FBLN1: variants seen among roughly 807,000 people sequenced by gnomAD.
FBLN1 encodes fibulin-1.
A neutral mutation model predicts 89.7 loss-of-function variants in FBLN1; 34 were observed. That is an observed-to-expected ratio of 0.38 (90% confidence interval 0.29 to 0.50). FBLN1 has a LOEUF of 0.50. Among genes scored for constraint, FBLN1 ranks in the 20% least tolerant of loss-of-function variants. The pLI, the probability that FBLN1 is intolerant of heterozygous loss-of-function variation, is 0.92. For synonymous variants in FBLN1, 393 were observed against 391.3 expected, an observed-to-expected ratio of 1.00 and a Z score of -0.05; for missense variants, 777 against 988.1, an observed-to-expected ratio of 0.79 and a Z score of 2.86.
At chr22:45,543,124 G>A (rs781652870) in intron 10 of FBLN1, among the ~76,000 whole-genome samples, 2 of 152,180 alleles carry the variant, frequency 1.3e-5, no homozygotes, top group East Asian at 1.9e-4. Context: ...AAAATTAGCC[G>A]GGCGTGGTGG....
chr22:45,539,053 A>C (rs2088519176), intron 8 of FBLN1, among the ~76,000 whole-genome samples: 2 of 146,954 alleles, frequency 1.4e-5, no homozygotes, highest in African/African-American at 2.5e-5. Flanking sequence ...CTGCTGCTGT[A>C]TTCCTTTCTC....
At position 45,557,898 on chromosome 22, in the gene FBLN1, A is replaced by G. The variant is rs2088808875; in HGVS notation, c.1697+7283A>G. Among the ~76,000 whole-genome samples the G allele has an allele frequency of 6.6e-6, 1 of 152,226 alleles. No homozygotes were observed. The highest frequency in any genetic ancestry group is 2.4e-5 in the African/African-American group (1 of 41,456). ...TTTCTCCTTCCATGCAAAGTGCACA[A>G]CCAGGTGCATTGCTTGAAGTTCTGC... On this transcript the variant is annotated intron_variant, in intron 14 of 16. Transcript: ENST00000327858. This position sits in a 1 kb window ranked among gnomAD's most constrained non-coding sequence, Gnocchi z 4.9.
rs2088797357 is a variant in FBLN1 at position 45,557,045 on chromosome 22, T to C, written c.1697+6430T>C. Among the ~76,000 whole-genome samples, 1 of 152,328 alleles carries C rather than the reference T, an allele frequency of 6.6e-6. No homozygotes were observed. Among genetic ancestry groups the C allele is most frequent in the African/African-American group, 2.4e-5 (1 of 41,582 alleles). On this transcript the variant is annotated intron_variant, in intron 14 of 16. Transcript: ENST00000327858. The surrounding 1 kb of genome is among the most constrained non-coding windows in gnomAD (Gnocchi z 4.9). ...CCCAGCCCTGCAAAGTACTGTCACC[T>C]AGTTGGCATTGTAATTGTGACTTCA...
chr22:45,555,840 A>G (rs1425532371), intron 14 of FBLN1, among the ~76,000 whole-genome samples: 1 of 152,186 alleles, frequency 6.6e-6, no homozygotes, highest in East Asian at 1.9e-4. Flanking sequence ...AAACTCACCA[A>G]TCCCCAACCC....
chr22:45,573,542 A>G (rs900183292), intron 14 of FBLN1, among the ~76,000 whole-genome samples: 34 of 151,608 alleles, frequency 2.2e-4, no homozygotes, highest in African/African-American at 8.2e-4. Context: ...TTAGCCGGGC[A>G]TGGTGGCATG....
chr22:45,592,690 A>G (rs2089149192), intron 16 of FBLN1, among the ~76,000 whole-genome samples: 1 of 152,120 alleles, frequency 6.6e-6, no homozygotes, highest in Non-Finnish European at 1.5e-5. Flanking sequence ...GCCTGCAGGA[A>G]CTGTGGAGCC....
Position 45,577,698 on chromosome 22 carries a change from C to T in FBLN1, c.1972+590C>T, listed in dbSNP as rs965861980. Among the ~76,000 whole-genome samples, 1 of 152,200 alleles carries T rather than the reference C, an allele frequency of 6.6e-6. No homozygotes were observed. The highest frequency in any genetic ancestry group is 2.4e-5 in the African/African-American group (1 of 41,448). Reference sequence around the variant, plus strand: ...AATGGGGAGCTCACTGCTCTTTCTCCCTGGAGATCCGGTGTTTGGGGAGCG... The same window carrying T: ...AATGGGGAGCTCACTGCTCTTTCTCTCTGGAGATCCGGTGTTTGGGGAGCG... On this transcript the variant is annotated intron_variant, in intron 16 of 16. Transcript: ENST00000327858. This position sits in a 1 kb window ranked among gnomAD's most constrained non-coding sequence, Gnocchi z 6.6.
intron 1 of FBLN1, among the ~76,000 whole-genome samples, chr22:45,512,815 T>G (rs1358920695): frequency 6.6e-6 from 1 of 152,122 alleles, no homozygotes; most frequent in Non-Finnish European, 1.5e-5. Flanking sequence ...TGGAGTGTAG[T>G]GGTGCAGTCG....
chr22:45,554,316 CCCCTGGGG>C (rs1459670319), intron 14 of FBLN1, among the ~76,000 whole-genome samples: 11 of 152,220 alleles, frequency 7.2e-5, no homozygotes, highest in Non-Finnish European at 1.6e-4. Flanking sequence ...CTCAGAGGCC[CCCCTGGGG>C]GAGAGCTCTC....
Position 45,509,368 on chromosome 22 carries a change from C to T in FBLN1, c.79+6304C>T, listed in dbSNP as rs185925171. Reference sequence around the variant, plus strand: ...TCTGCTCCTTCTCTCTTGCTGCCTCCTCCCGGCTGGTTCACCATCCAAGAC... The same window carrying T: ...TCTGCTCCTTCTCTCTTGCTGCCTCTTCCCGGCTGGTTCACCATCCAAGAC... On this transcript the variant is annotated intron_variant, in intron 1 of 16. Coordinates refer to ENST00000327858, the MANE Select transcript of FBLN1 (RefSeq NM_006486.3). Among the ~76,000 whole-genome samples the T allele has an allele frequency of 2.2e-3, 331 of 152,306 alleles. 3 individuals carry two copies. The highest frequency in any genetic ancestry group is 6.5e-4 in the Non-Finnish European group (44 of 68,032).
In FBLN1 at chr22:45,502,933, G is replaced by T. The variant is rs2146929713; in HGVS notation, c.-53G>T. ...CGTGGAGCCCGCGCCGCTGCCCCAG[G>T]ACCGCGCCCGCGCCTTTGTCCGCCG... On this transcript the variant is annotated 5_prime_UTR_variant, in exon 1 of 17. Coordinates refer to ENST00000327858, the MANE Select transcript of FBLN1 (RefSeq NM_006486.3). 10 of 837,472 alleles carry T rather than the reference G, an allele frequency of 1.2e-5. No individual in the cohort carries two copies. In the South Asian group the frequency reaches 4.8e-4, roughly 40 times the overall value. The allele number at this position is 837,472 out of a possible 1,614,324, so 51.9% of individuals were successfully genotyped here.
At position 45,572,592 on chromosome 22, in the gene FBLN1, C is replaced by T. The variant is rs1344362949; in HGVS notation, c.1698-1919C>T. Among the ~76,000 whole-genome samples, 1 of 152,176 alleles carries T rather than the reference C, an allele frequency of 6.6e-6. No homozygotes were observed. The highest frequency in any genetic ancestry group is 1.5e-5 in the Non-Finnish European group (1 of 68,030). On this transcript the variant is annotated intron_variant, in intron 14 of 16. Coordinates refer to ENST00000327858, the MANE Select transcript of FBLN1 (RefSeq NM_006486.3). This position sits in a 1 kb window ranked among gnomAD's most constrained non-coding sequence, Gnocchi z 5.8. Reference sequence around the variant, plus strand: ...GAAGCATCTGTTTACAGGAGTAGTCCAGCTAATAAATGGAAGTGAAGTGGT... The same window carrying T: ...GAAGCATCTGTTTACAGGAGTAGTCTAGCTAATAAATGGAAGTGAAGTGGT...
At chr22:45,569,117 G>T (rs61610965) in intron 14 of FBLN1, among the ~76,000 whole-genome samples, 2 of 152,236 alleles carry the variant, frequency 1.3e-5, no homozygotes, top group African/African-American at 4.8e-5. Context: ...CTGAGGTACT[G>T]GGGATGGAAC....
At chr22:45,509,556 C>T (rs2088070475) in intron 1 of FBLN1, among the ~76,000 whole-genome samples, 2 of 152,212 alleles carry the variant, frequency 1.3e-5, no homozygotes, top group Admixed American at 1.3e-4. Flanking sequence ...AGTCTGTCCT[C>T]ATCCTGGAAC....
At chr22:45,543,601 G>A in intron 11 of FBLN1, 75 bp downstream of exon 11, 1 of 1,551,006 alleles carries the variant, frequency 6.4e-7, no homozygotes, top group Non-Finnish European at 8.8e-7. Context: ...CTGCAGACCG[G>A]TTTGCAGCAG....
chr22:45,543,346 G>A (rs1165457655), intron 10 of FBLN1, 55 bp from the exon 11 acceptor site: 2 of 1,603,964 alleles, frequency 1.2e-6, no homozygotes, highest in Non-Finnish European at 1.7e-6. Flanking sequence ...GGAGGGTGGA[G>A]TGTGGTGCCA....
Position 45,550,767 on chromosome 22 carries a change from G to A in FBLN1, c.1697+152G>A. The A allele has an allele frequency of 1.8e-6, 2 of 1,095,216 alleles. No homozygotes were observed. Among genetic ancestry groups the A allele is most frequent in the Non-Finnish European group, 1.4e-6 (1 of 726,282 alleles). 67.8% of individuals were successfully genotyped at this position (1,095,216 alleles called of 1,614,324 possible). On this transcript the variant is annotated intron_variant, in intron 14 of 16. Transcript: ENST00000327858. This position sits in a 1 kb window ranked among gnomAD's most constrained non-coding sequence, Gnocchi z 8.4. ...AGATCACCTGATCCCTGGCCCTCAA[G>A]CCCCTAAATGCTAGTGACACTGGTC...
rs995360163 is a variant in FBLN1, at chr22:45,576,317, C to T, written c.1841-660C>T. Among the ~76,000 whole-genome samples the T allele has an allele frequency of 3.9e-5, 6 of 152,126 alleles. No homozygotes were observed. Among genetic ancestry groups the T allele is most frequent in the Non-Finnish European group, 7.4e-5 (5 of 68,016 alleles). On this transcript the variant is annotated intron_variant, in intron 15 of 16. Transcript: ENST00000327858. This position sits in a 1 kb window ranked among gnomAD's most constrained non-coding sequence, Gnocchi z 5.2. ...CTGAGTGTTGGTTATCGCAGGGAGC[C>T]GAGTGCCGTTGGGACACCTGTTAGC...
chr22:45,524,751 C>T (rs968136541), intron 2 of FBLN1, among the ~76,000 whole-genome samples: 2 of 152,124 alleles, frequency 1.3e-5, no homozygotes, highest in Non-Finnish European at 2.9e-5. Flanking sequence ...GGCCTCCTGG[C>T]TCTGACTCCA....
Sources: gnomAD v4.1 joint callset for allele counts (sites outside exome capture counted in the v4.1 genomes callset) on GRCh38, gnomAD v4.1.1 for gene constraint, Gnocchi (gnomAD v3.1) non-coding constraint, MANE v1.5 for transcripts, NCBI Gene and HGNC (gene_info 2026-07-23, HGNC 2026-07-21) for gene names.